RGL1: variants seen among roughly 807,000 people sequenced by gnomAD.
The protein encoded by RGL1 is ral guanine nucleotide dissociation stimulator like 1.
In RGL1, 24 loss-of-function variants were observed where a neutral mutation model predicts 95.2. The observed-to-expected ratio is 0.25, with a 90% CI of 0.18 to 0.35. RGL1 has a LOEUF of 0.35. RGL1 is among the 10% of genes least tolerant of loss of function. The probability of loss-of-function intolerance (pLI) is 1.00; values close to 1 mark genes in which losing one functional copy is unlikely to be tolerated. For synonymous variants in RGL1, 329 were observed against 344.9 expected, an observed-to-expected ratio of 0.95 and a Z score of 0.51; for missense variants, 715 against 936.3, an observed-to-expected ratio of 0.76 and a Z score of 3.08.
At chr1:183,647,936 G>A in intron 1 of RGL1, 1 of 1,614,240 alleles carries the variant, frequency 6.2e-7, no homozygotes, top group South Asian at 1.1e-5. Context: ...CTGGAGGTAG[G>A]TTGGGTTGGA....
chr1:183,872,779 C>A (rs763963608), intron 4 of RGL1, among the ~76,000 whole-genome samples: 38 of 152,120 alleles, frequency 2.5e-4, no homozygotes, highest in Admixed American at 1.4e-3. Context: ...TTCATTCCTG[C>A]AAATTCAGAT....
At chr1:183,919,121 G>T (rs1326485259) in intron 16 of RGL1, among the ~76,000 whole-genome samples, 1 of 152,116 alleles carries the variant, frequency 6.6e-6, no homozygotes, top group Non-Finnish European at 1.5e-5. Flanking sequence ...TCAAAATGTT[G>T]ATTAATTCAT....
intron 1 of RGL1, among the ~76,000 whole-genome samples, chr1:183,660,765 GCACCA>G (rs1038126815): frequency 6.6e-6 from 1 of 151,944 alleles, no homozygotes; most frequent in African/African-American, 2.4e-5. Flanking sequence ...ATTTTTTTCA[GCACCA>G]CACCACACCT....
intron 2 of RGL1, among the ~76,000 whole-genome samples, chr1:183,779,512 G>A (rs1659788842): frequency 6.6e-6 from 1 of 152,044 alleles, no homozygotes; most frequent in African/African-American, 2.4e-5. Flanking sequence ...GCCTCCCAAA[G>A]TTGCTGGGAT....
intron 2 of RGL1, among the ~76,000 whole-genome samples, chr1:183,744,763 A>G (rs1439538214): frequency 6.6e-6 from 1 of 152,076 alleles, no homozygotes; most frequent in Non-Finnish European, 1.5e-5. Flanking sequence ...TGCTGTTTAT[A>G]TTATTTTAAT....
At chr1:183,903,216 G>T (rs1473933283) in intron 12 of RGL1, among the ~76,000 whole-genome samples, 1 of 152,132 alleles carries the variant, frequency 6.6e-6, no homozygotes, top group African/African-American at 2.4e-5. Context: ...ACATAGAAGA[G>T]TTAATAAAGA....
intron 2 of RGL1, among the ~76,000 whole-genome samples, chr1:183,778,271 G>A (rs939817398): frequency 6.6e-6 from 1 of 152,188 alleles, no homozygotes; most frequent in African/African-American, 2.4e-5. Context: ...TAGGGTTATT[G>A]GCAGCGCTTG....
chr1:183,769,830 C>A (rs1424483864), intron 2 of RGL1, among the ~76,000 whole-genome samples: 2 of 152,144 alleles, frequency 1.3e-5, no homozygotes, highest in Admixed American at 1.3e-4. Context: ...GGTCAAACAG[C>A]ACCATAAAAC....
At chr1:183,682,824 G>A (rs1175138324) in intron 1 of RGL1, among the ~76,000 whole-genome samples, 1 of 151,928 alleles carries the variant, frequency 6.6e-6, no homozygotes, top group African/African-American at 2.4e-5. Flanking sequence ...TAGGTCTCTG[G>A]TAACTTTCTT....
At chr1:183,713,929 GA>G (rs1429136513) in intron 1 of RGL1, among the ~76,000 whole-genome samples, 1 of 152,144 alleles carries the variant, frequency 6.6e-6, no homozygotes, top group Non-Finnish European at 1.5e-5. Context: ...TTTGATGAAT[GA>G]ATCAATCGAA....
chr1:183,830,496 C>T (rs970665840), intron 2 of RGL1, among the ~76,000 whole-genome samples: 1 of 152,140 alleles, frequency 6.6e-6, no homozygotes, highest in African/African-American at 2.4e-5. Context: ...CTCAGATACT[C>T]CCACTTGGAG....
intron 3 of RGL1, among the ~76,000 whole-genome samples, chr1:183,864,111 A>G (rs888249637): frequency 1.1e-4 from 17 of 152,216 alleles, no homozygotes; most frequent in Admixed American, 7.9e-4. Context: ...AGGAGGAGCT[A>G]AAGCAAAGAT....
At chr1:183,751,771 C>T (rs1420412135) in intron 2 of RGL1, among the ~76,000 whole-genome samples, 1 of 152,186 alleles carries the variant, frequency 6.6e-6, no homozygotes, top group African/African-American at 2.4e-5. Flanking sequence ...CCTCATGGCA[C>T]AGTCCTTCAC....
intron 2 of RGL1, among the ~76,000 whole-genome samples, chr1:183,836,284 C>T (rs1375398227): frequency 6.6e-6 from 1 of 151,586 alleles, no homozygotes; most frequent in Non-Finnish European, 1.5e-5. Flanking sequence ...GAGTTTTGCT[C>T]TTGTTGCCCA....
At chr1:183,680,187 G>GT (rs552644359) in intron 1 of RGL1, among the ~76,000 whole-genome samples, 530 of 151,820 alleles carry the variant, frequency 3.5e-3, no homozygotes, top group African/African-American at 7.1e-3. Context: ...TCCAATGATA[G>GT]TTTTTTTTGC....
Position 183,926,476 on chromosome 1 carries a change from A to G in RGL1, c.*184A>G, listed in dbSNP as rs1173960521. ...TGGGGAAACTGGAAATGAATTTGAC[A>G]TGAAAAGGATGAACGATTCACTGAT... On this transcript the variant is annotated 3_prime_UTR_variant, in exon 18 of 18. Coordinates refer to ENST00000360851, the MANE Select transcript of RGL1 (RefSeq NM_001297671.3). 4.4e-6 allele frequency: 2 copies of G among 456,138 alleles called. No individual in the cohort carries two copies. Among genetic ancestry groups the G allele is most frequent in the Non-Finnish European group, 7.8e-6 (2 of 255,294 alleles). The allele number at this position is 456,138 out of a possible 1,614,324, so 28.3% of individuals were successfully genotyped here.
At chr1:183,655,162 G>A (rs1198381734) in intron 1 of RGL1, among the ~76,000 whole-genome samples, 1 of 152,140 alleles carries the variant, frequency 6.6e-6, no homozygotes, top group African/African-American at 2.4e-5. Context: ...GATTTACAAA[G>A]ACTAAACTAT....
At chr1:183,684,503 A>T (rs1421429779) in intron 1 of RGL1, among the ~76,000 whole-genome samples, 2 of 152,184 alleles carry the variant, frequency 1.3e-5, no homozygotes, top group Non-Finnish European at 2.9e-5. Context: ...ATTTTATGCC[A>T]GTGGATCTTA....
At position 183,927,326 on chromosome 1, in the gene RGL1, T is replaced by C. The variant is rs972846753; in HGVS notation, c.*1034T>C. The C allele has an allele frequency of 1.3e-5, 2 of 152,624 alleles. No individual in the cohort carries two copies. The highest frequency in any genetic ancestry group is 4.8e-5 in the African/African-American group (2 of 41,464). The allele number at this position is 152,624 out of a possible 1,614,324, so 9.5% of individuals were successfully genotyped here. ...TTTATTCCTCAGGTGTGGAAATTTC[T>C]ACTGCAATTGACTACGTTTGATTAT... On this transcript the variant is annotated 3_prime_UTR_variant, in exon 18 of 18. Transcript: ENST00000360851.
Sources: allele counts gnomAD v4.1 joint callset (sites outside exome capture counted in the v4.1 genomes callset), GRCh38; gene constraint gnomAD v4.1.1; transcripts MANE v1.5; gene names NCBI Gene and HGNC (gene_info 2026-07-23, HGNC 2026-07-21).